Variants in ARMC2 observed in about 807,000 individuals in gnomAD.
ARMC2 encodes armadillo repeat-containing protein 2.
ARMC2 carries 67 observed loss-of-function variants against 90.3 expected under a neutral mutation model. The observed-to-expected ratio is 0.74, with a 90% CI of 0.61 to 0.91. The LOEUF (loss-of-function observed/expected upper bound fraction) is 0.91. ARMC2 is among the 40% of genes least tolerant of loss of function. The pLI is 0.00. For missense variants in ARMC2, 920 were observed against 1,030.9 expected, an observed-to-expected ratio of 0.89 and a Z score of 1.47; for synonymous variants, 393 against 393.0, an observed-to-expected ratio of 1.00 and a Z score of 0.00.
intron 2 of ARMC2, among the ~76,000 whole-genome samples, chr6:108,854,736 A>C (rs1774362227): frequency 6.6e-6 from 1 of 152,148 alleles, no homozygotes; most frequent in Non-Finnish European, 1.5e-5. Flanking sequence ...ATACTTTGAC[A>C]CACCATTATC....
chr6:108,856,156 T>C (rs1210041727), intron 2 of ARMC2, among the ~76,000 whole-genome samples: 5 of 152,206 alleles, frequency 3.3e-5, no homozygotes, highest in Non-Finnish European at 5.9e-5. Flanking sequence ...CTTTGTCCTA[T>C]GTTATATTTT....
chr6:108,989,292 C>CG, the ARMC2 span, among the ~76,000 whole-genome samples: 2 of 152,082 alleles, frequency 1.3e-5, no homozygotes, highest in Non-Finnish European at 2.9e-5. Flanking sequence ...CGTGAGCCAC[C>CG]GCGCCTGGCT....
chr6:108,890,620 A>G (rs1035824200), intron 5 of ARMC2, among the ~76,000 whole-genome samples: 2 of 152,138 alleles, frequency 1.3e-5, no homozygotes, highest in Non-Finnish European at 2.9e-5. Flanking sequence ...CCAAGATCAC[A>G]ATGCTGATAA....
At chr6:108,869,130 A>ACT in intron 4 of ARMC2, 135 bp downstream of exon 4, 1 of 917,322 alleles carries the variant, frequency 1.1e-6, no homozygotes, top group Admixed American at 3.4e-5. Flanking sequence ...ATATTGGGCA[A>ACT]AAGCTGGCTA....
At chr6:108,861,631 C>G (rs531374538) in intron 3 of ARMC2, among the ~76,000 whole-genome samples, 2 of 152,240 alleles carry the variant, frequency 1.3e-5, no homozygotes, top group East Asian at 3.9e-4. Context: ...AAGCACGAAC[C>G]AATATTGCAA....
rs368008813 is a variant in ARMC2, at chr6:108,876,272, A to C, written c.593A>C (p.Asp198Ala). 4 of 1,612,826 alleles carry C rather than the reference A, an allele frequency of 2.5e-6. No homozygotes were observed. The highest frequency in any genetic ancestry group is 3.4e-6 in the Non-Finnish European group (4 of 1,179,590). Residue 198 changes from aspartate (D) to alanine (A), a missense_variant, in exon 5 of 18, where the codon GAT becomes GCT. By Grantham distance (126) the Asp-to-Ala change is moderately radical. Transcript: ENST00000392644. Reference sequence around the variant, plus strand: ...AGTCACCCACTTCAGCTAACTGATGATGGAGGCTTCAGTGAAATAAAGGAG... The same window carrying C: ...AGTCACCCACTTCAGCTAACTGATGCTGGAGGCTTCAGTGAAATAAAGGAG... ...LKSHPLQLTD[D>A]GGFSEIKEQE...
chr6:108,985,278 G>A, the ARMC2 span, among the ~76,000 whole-genome samples: 1 of 149,184 alleles, frequency 6.7e-6, no homozygotes, highest in Non-Finnish European at 1.5e-5. Flanking sequence ...TCCCAAATAC[G>A]GCCAAAACAA....
chr6:108,967,390 G>A (rs761124640), intron 17 of ARMC2, among the ~76,000 whole-genome samples: 4 of 152,164 alleles, frequency 2.6e-5, no homozygotes, highest in Non-Finnish European at 4.4e-5. Context: ...CTGCGGGGCC[G>A]GGGCCGTGTG....
chr6:108,886,902 G>GT (rs1380476339), intron 5 of ARMC2, among the ~76,000 whole-genome samples: 8 of 144,260 alleles, frequency 5.5e-5, no homozygotes, highest in Non-Finnish European at 1.2e-4. Flanking sequence ...TTGTTTGTTT[G>GT]TTTTGTTTTT....
At chr6:108,871,381 G>A (rs1320505577) in intron 4 of ARMC2, among the ~76,000 whole-genome samples, 3 of 152,074 alleles carry the variant, frequency 2.0e-5, no homozygotes, top group East Asian at 1.9e-4. Flanking sequence ...CTTTTCAAAC[G>A]CTCCCCCCGC....
intron 15 of ARMC2, 121 bp downstream of exon 15, chr6:108,962,248 C>T (rs1314848942): frequency 1.8e-5 from 15 of 845,200 alleles, no homozygotes; most frequent in East Asian, 8.3e-5. Flanking sequence ...TGTAAAGCTT[C>T]GTGTTTAAGG....
the ARMC2 span, chr6:108,988,610 CA>C: frequency 6.2e-7 from 1 of 1,613,078 alleles, no homozygotes; most frequent in Non-Finnish European, 8.5e-7. Flanking sequence ...TTCAGGAGTG[CA>C]AACAACAGTT....
the ARMC2 span, among the ~76,000 whole-genome samples, chr6:109,052,688 TTATTCTC>T: frequency 6.6e-6 from 1 of 152,226 alleles, no homozygotes; most frequent in African/African-American, 2.4e-5. Flanking sequence ...TGGCAGTAGA[TTATTCTC>T]TAGTCATTGA....
intron 1 of ARMC2, among the ~76,000 whole-genome samples, chr6:108,851,389 C>G (rs1220873914): frequency 6.6e-6 from 1 of 152,294 alleles, no homozygotes; most frequent in South Asian, 2.1e-4. Context: ...TAATTTGTCT[C>G]TATTGTTTTT....
At chr6:108,973,087 G>A (rs919644071) in intron 17 of ARMC2, among the ~76,000 whole-genome samples, 1 of 152,158 alleles carries the variant, frequency 6.6e-6, no homozygotes, top group African/African-American at 2.4e-5. Flanking sequence ...GGCACTTGGG[G>A]AGGCCAAGGT....
In ARMC2 at chr6:108,868,986, C is replaced by G; in HGVS notation, c.454C>G (p.Pro152Ala). 1 of 1,611,696 alleles carries G rather than the reference C, an allele frequency of 6.2e-7. No individual in the cohort carries two copies. The highest frequency in any genetic ancestry group is 8.5e-7 in the Non-Finnish European group (1 of 1,178,916). ...CCTTCTGCCGGACAGATCCCTTCCT[C>G]CCTCCGACTGTAAGGCCATGTAACA... ...RALLPDRSLP[P>A]SDSKKTVESK... Residue 152 changes from proline to alanine, a missense_variant, in exon 4 of 18, where the codon CCC becomes GCC. Coordinates refer to ENST00000392644, the MANE Select transcript of ARMC2 (RefSeq NM_032131.6).
At chr6:108,907,989 T>C in intron 8 of ARMC2, 3 of 919,244 alleles carry the variant, frequency 3.3e-6, no homozygotes, top group Non-Finnish European at 4.8e-6. Context: ...AAGGTTCCCA[T>C]TTCCTATTTT....
the ARMC2 span, among the ~76,000 whole-genome samples, chr6:108,985,535 T>C: frequency 6.6e-6 from 1 of 152,242 alleles, no homozygotes; most frequent in Non-Finnish European, 1.5e-5. Flanking sequence ...AAACATTAAC[T>C]TTGTATCACA....
In ARMC2 at chr6:108,962,028, C is replaced by G; in HGVS notation, c.2053C>G (p.Leu685Val). The part of the protein sequence containing the change: ...LYIAELLLKL[L>V]VSNNMDGILE... Reference sequence around the variant, plus strand: ...GCCAAATCCAGTGCTCTTAAAGCTTCTTGTCAGTAACAACATGGATGGAAT... The same window carrying G: ...GCCAAATCCAGTGCTCTTAAAGCTTGTTGTCAGTAACAACATGGATGGAAT... The change falls in exon 15 of 18, where the codon CTT (leucine) becomes GTT (valine). Residue 685 changes from leucine to valine, a missense_variant. By Grantham distance (32) the Leu-to-Val change is conservative. Coordinates refer to ENST00000392644, the MANE Select transcript of ARMC2 (RefSeq NM_032131.6). 6.2e-7 allele frequency: 1 copy of G among 1,611,080 alleles called. No homozygotes were observed. The highest frequency in any genetic ancestry group is 8.5e-7 in the Non-Finnish European group (1 of 1,179,008).
Sources: gnomAD v4.1 joint callset for allele counts (sites outside exome capture counted in the v4.1 genomes callset) on GRCh38, gnomAD v4.1.1 for gene constraint, MANE v1.5 for transcripts, NCBI Gene and HGNC (gene_info 2026-07-23, HGNC 2026-07-21) for gene names.